ZNF891: variants seen among roughly 807,000 people sequenced by gnomAD.
ZNF891 encodes zinc finger protein 891, also known as hCG1646157.
For missense variants in ZNF891, 589 were observed against 632.7 expected (o/e 0.93, Z 0.74); for synonymous variants, 199 against 209.0 (o/e 0.95, Z 0.41).
chr12:133,115,655 G>A lies in ZNF891; in HGVS notation c.*4629C>T, dbSNP rs1285474259. ...TGTTTTTTAATAGGATACCATGGCA[G>A]CTGCATAGAAAACATACTAAAGGAA... On this transcript the variant is annotated 3_prime_UTR_variant, in exon 2 of 2. Coordinates refer to ENST00000537226, the MANE Select transcript of ZNF891 (RefSeq NM_001277291.2). The A allele has an allele frequency of 6.6e-6, 1 of 152,058 alleles. No homozygotes were observed. The highest frequency in any genetic ancestry group is 1.5e-5 in the Non-Finnish European group (1 of 68,024). The allele number at this position is 152,058 out of a possible 1,614,324, so 9.4% of individuals were successfully genotyped here.
In ZNF891 at chr12:133,107,356, G is replaced by T. The variant is rs952525708; in HGVS notation, c.*12928C>A. The T allele has an allele frequency of 3.2e-4, 48 of 152,162 alleles. No homozygotes were observed. The highest frequency in any genetic ancestry group is 9.9e-4 in the African/African-American group (41 of 41,430). 9.4% of individuals were successfully genotyped at this position (152,162 alleles called of 1,614,324 possible). On this transcript the variant is annotated 3_prime_UTR_variant, in exon 2 of 2. Transcript: ENST00000537226. The stretch of plus-strand genomic sequence containing the variant: ...TGTAGGAAACGGTTCTATTTTGAGG[G>T]AAGGGGGATTCCTTTTTGTTTTTTA...
rs1057197990 is a variant in ZNF891, at chr12:133,107,502, A to G, written c.*12782T>C. ...ACTACAATATTGACATAAAAAATAA[A>G]CAGTAGTTTTTCTTGTTGAAACATA... On this transcript the variant is annotated 3_prime_UTR_variant, in exon 2 of 2. Transcript: ENST00000537226. 12 of 151,872 alleles carry G rather than the reference A, an allele frequency of 7.9e-5. No individual in the cohort carries two copies. The highest frequency in any genetic ancestry group is 2.9e-4 in the African/African-American group (12 of 41,458). The allele number at this position is 151,872 out of a possible 1,614,324, so 9.4% of individuals were successfully genotyped here. A position where few individuals can be genotyped will look rare whatever the true frequency, so the allele number is the denominator to read the frequency against.
At chr12:133,122,516 T>C (rs1380477249) in intron 1 of ZNF891, among the ~76,000 whole-genome samples, 2 of 152,202 alleles carry the variant, frequency 1.3e-5, no homozygotes, top group Non-Finnish European at 2.9e-5. Flanking sequence ...GTTAAAGGTG[T>C]ATATGTGACT....
rs754421730 is a variant in ZNF891 at position 133,120,522 on chromosome 12, CCA to C, written c.1395_1396del (p.Cys465TrpfsTer11). On this transcript the variant is annotated frameshift_variant, in exon 2 of 2. Transcript: ENST00000537226. LOFTEE classifies it low-confidence loss of function (END_TRUNC). ...GGATGAGACCCCACTGAAAACTTTC[CCA>C]CAGTCACTGCATTCATAAACATTCT... is the stretch of plus-strand genomic sequence containing the variant. 3.2e-6 allele frequency: 5 copies of C among 1,578,084 alleles called. No individual in the cohort carries two copies. Among genetic ancestry groups the C allele is most frequent in the Admixed American group, 3.7e-5 (2 of 54,274 alleles).
rs1412524340 is a variant in ZNF891, at chr12:133,121,052, C to T, written c.867G>A (p.Met289Ile). ...NMFPVPNNLH[M>I]AQNACECNKD... ...TATTACATTCACAGGCATTCTGTGC[C>T]ATATGCAAATTGTTAGGTACAGGAA... Residue 289 changes from methionine to isoleucine, a missense_variant, in exon 2 of 2, where the codon ATG becomes ATA. Physicochemically the swap from Met to Ile is conservative, Grantham distance 10. Coordinates refer to ENST00000537226, the MANE Select transcript of ZNF891 (RefSeq NM_001277291.2). 70 of 1,535,524 alleles carry T rather than the reference C, an allele frequency of 4.6e-5. No homozygotes were observed. Among genetic ancestry groups the T allele is most frequent in the Non-Finnish European group, 5.7e-5 (65 of 1,146,880 alleles).
chr12:133,119,203 G>C lies in ZNF891; in HGVS notation c.*1081C>G, dbSNP rs1955733157. 6.6e-6 allele frequency: 1 copy of C among 151,228 alleles called. No individual in the cohort carries two copies. The highest frequency in any genetic ancestry group is 1.5e-5 in the Non-Finnish European group (1 of 67,880). 9.4% of individuals were successfully genotyped at this position (151,228 alleles called of 1,614,324 possible). ...CCACTGCATTCTAGCCTGAGAGACA[G>C]AGACTCTGTCTGAAAAATTGAAAAA... On this transcript the variant is annotated 3_prime_UTR_variant, in exon 2 of 2. Coordinates refer to ENST00000537226, the MANE Select transcript of ZNF891 (RefSeq NM_001277291.2).
chr12:133,117,606 A>T lies in ZNF891; in HGVS notation c.*2678T>A, dbSNP rs898903717. On this transcript the variant is annotated 3_prime_UTR_variant, in exon 2 of 2. Transcript: ENST00000537226. ...TTCTCAGAAGCTTATATTAAACTTT[A>T]TTATGCTGCATATTAAACCTCACCA... is the stretch of plus-strand genomic sequence containing the variant. The T allele has an allele frequency of 6.6e-6, 1 of 152,232 alleles. No homozygotes were observed. The highest frequency in any genetic ancestry group is 2.4e-5 in the African/African-American group (1 of 41,458). 9.4% of individuals were successfully genotyped at this position (152,232 alleles called of 1,614,324 possible).
At position 133,105,696 on chromosome 12, in the gene ZNF891, TA is replaced by T; in HGVS notation, c.*14587del. ...GAAAATCAGGGATGTATTAGGAAAG[TA>T]ACAGTCTCTCATCAAGAAGCCCTGG... On this transcript the variant is annotated 3_prime_UTR_variant, in exon 2 of 2. Transcript: ENST00000537226. 1 of 1,614,168 alleles carries T rather than the reference TA, an allele frequency of 6.2e-7. No homozygotes were observed. Among genetic ancestry groups the T allele is most frequent in the Non-Finnish European group, 8.5e-7 (1 of 1,180,032 alleles).
rs1566327905 is a variant in ZNF891 at position 133,106,576 on chromosome 12, G to A, written c.*13708C>T. 2.5e-6 allele frequency: 4 copies of A among 1,613,556 alleles called. No individual in the cohort carries two copies. Among genetic ancestry groups the A allele is most frequent in the Non-Finnish European group, 2.5e-6 (3 of 1,179,930 alleles). Reference sequence around the variant, plus strand: ...GCTCAAACCTTGCTAAACATCAGAGGACACACACTCTTGACAACCCCTATG... The same window carrying A: ...GCTCAAACCTTGCTAAACATCAGAGAACACACACTCTTGACAACCCCTATG... On this transcript the variant is annotated 3_prime_UTR_variant, in exon 2 of 2. Coordinates refer to ENST00000537226, the MANE Select transcript of ZNF891 (RefSeq NM_001277291.2).
chr12:133,118,887 G>C lies in ZNF891; in HGVS notation c.*1397C>G, dbSNP rs1324215575. On this transcript the variant is annotated 3_prime_UTR_variant, in exon 2 of 2. Transcript: ENST00000537226. ...ATATACTTCTGTTTTTCTACAATAT[G>C]GTGACTGCGTTGACTGTATTTATGT... 6.6e-6 allele frequency: 1 copy of C among 151,906 alleles called. No homozygotes were observed. Among genetic ancestry groups the C allele is most frequent in the Non-Finnish European group, 1.5e-5 (1 of 68,010 alleles). The allele number at this position is 151,906 out of a possible 1,614,324, so 9.4% of individuals were successfully genotyped here.
At chr12:133,123,751 A>C (rs1278616410) in intron 1 of ZNF891, among the ~76,000 whole-genome samples, 1 of 103,066 alleles carries the variant, frequency 9.7e-6, no homozygotes, top group Middle Eastern at 4.4e-3. Flanking sequence ...CAACAACAAC[A>C]ACAACAACAA....
Position 133,112,578 on chromosome 12 carries a change from C to T in ZNF891, c.*7706G>A, listed in dbSNP as rs1007866021. On this transcript the variant is annotated 3_prime_UTR_variant, in exon 2 of 2. Transcript: ENST00000537226. ...TCAGGCAATCCACCCACCTCTGCCT[C>T]CCGAAAACACTGGGATTACAGGCGT... 3.9e-5 allele frequency: 6 copies of T among 152,518 alleles called. No individual in the cohort carries two copies. The highest frequency in any genetic ancestry group is 1.2e-4 in the African/African-American group (5 of 41,600). The allele number at this position is 152,518 out of a possible 1,614,324, so 9.4% of individuals were successfully genotyped here. A position where few individuals can be genotyped will look rare whatever the true frequency, so the allele number is the denominator to read the frequency against.
At position 133,114,917 on chromosome 12, in the gene ZNF891, T is replaced by C. The variant is rs984811324; in HGVS notation, c.*5367A>G. 3.3e-5 allele frequency: 5 copies of C among 152,232 alleles called. No individual in the cohort carries two copies. 9.4% of individuals were successfully genotyped at this position (152,232 alleles called of 1,614,324 possible). A position where few individuals can be genotyped will look rare whatever the true frequency, so the allele number is the denominator to read the frequency against. On this transcript the variant is annotated 3_prime_UTR_variant, in exon 2 of 2. Coordinates refer to ENST00000537226, the MANE Select transcript of ZNF891 (RefSeq NM_001277291.2). ...GGTTAGTACTTTAGATGGATCACCC[T>C]GGGAAGTGTAGAGAACAGTTGATAG...
At chr12:133,126,504 A>C (rs2137626285) in intron 1 of ZNF891, among the ~76,000 whole-genome samples, 1 of 149,916 alleles carries the variant, frequency 6.7e-6, no homozygotes, top group South Asian at 2.1e-4. Context: ...AGATAAACTT[A>C]AGGAACTTTT....
In ZNF891 at chr12:133,109,581, CAT is replaced by C. The variant is rs1446719291; in HGVS notation, c.*10701_*10702del. ...CTATTGCAGTGGGGGACGGGGGGCT[CAT>C]ATGTACACTGTGAAAAACTGCTAAC... On this transcript the variant is annotated 3_prime_UTR_variant, in exon 2 of 2. Transcript: ENST00000537226. The C allele has an allele frequency of 6.6e-6, 1 of 152,058 alleles. No individual in the cohort carries two copies. Among genetic ancestry groups the C allele is most frequent in the East Asian group, 1.9e-4 (1 of 5,190 alleles). 9.4% of individuals were successfully genotyped at this position (152,058 alleles called of 1,614,324 possible).
chr12:133,105,408 GAT>G lies in ZNF891; in HGVS notation c.*14874_*14875del. The G allele has an allele frequency of 7.8e-7, 1 of 1,287,176 alleles. No individual in the cohort carries two copies. The highest frequency in any genetic ancestry group is 1.6e-5 in the South Asian group (1 of 62,370). The allele number at this position is 1,287,176 out of a possible 1,614,324, so 79.7% of individuals were successfully genotyped here. A position where few individuals can be genotyped will look rare whatever the true frequency, so the allele number is the denominator to read the frequency against. Reference sequence around the variant, plus strand: ...CAGCTGTGAAAGCTGCTATTGATAAGATTTTTTGAAACTTCATTCTGTTGCTA... The same window carrying G: ...CAGCTGTGAAAGCTGCTATTGATAAGTTTTTGAAACTTCATTCTGTTGCTA... On this transcript the variant is annotated 3_prime_UTR_variant, in exon 2 of 2. Coordinates refer to ENST00000537226, the MANE Select transcript of ZNF891 (RefSeq NM_001277291.2).
In ZNF891 at chr12:133,108,177, G is replaced by T. The variant is rs1292194928; in HGVS notation, c.*12107C>A. On this transcript the variant is annotated 3_prime_UTR_variant, in exon 2 of 2. Transcript: ENST00000537226. Reference sequence around the variant, plus strand: ...GAATACAAGCAGCATGCCTTACTACGTATGGGTATCTAATATCTGATTTGA... The same window carrying T: ...GAATACAAGCAGCATGCCTTACTACTTATGGGTATCTAATATCTGATTTGA... 6.6e-6 allele frequency: 1 copy of T among 151,756 alleles called. No individual in the cohort carries two copies. The highest frequency in any genetic ancestry group is 1.5e-5 in the Non-Finnish European group (1 of 67,954). 9.4% of individuals were successfully genotyped at this position (151,756 alleles called of 1,614,324 possible). A position where few individuals can be genotyped will look rare whatever the true frequency, so the allele number is the denominator to read the frequency against.
rs1955607722 is a variant in ZNF891, at chr12:133,106,583, A to C, written c.*13701T>G. ...CCTTGCTAAACATCAGAGGACACAC[A>C]CTCTTGACAACCCCTATGAATATGA... On this transcript the variant is annotated 3_prime_UTR_variant, in exon 2 of 2. Transcript: ENST00000537226. 1 of 1,613,178 alleles carries C rather than the reference A, an allele frequency of 6.2e-7. No homozygotes were observed. The highest frequency in any genetic ancestry group is 1.3e-5 in the African/African-American group (1 of 74,844).
intron 1 of ZNF891, among the ~76,000 whole-genome samples, chr12:133,127,954 CAT>C (rs946326484): frequency 4.8e-4 from 73 of 152,268 alleles, no homozygotes; most frequent in African/African-American, 1.7e-3. Flanking sequence ...AAGAAAGAAA[CAT>C]ATTATGGCTC....
Sources: allele counts gnomAD v4.1 joint callset (sites outside exome capture counted in the v4.1 genomes callset), GRCh38; gene constraint gnomAD v4.1.1; transcripts MANE v1.5; gene names NCBI Gene and HGNC (gene_info 2026-07-23, HGNC 2026-07-21).